LONP2: variants seen among roughly 807,000 people sequenced by gnomAD.
The protein encoded by LONP2 is lon protease homolog 2, peroxisomal.
Under a neutral mutation model 85.6 loss-of-function variants are expected in LONP2, and 60 were observed. The ratio of observed to expected loss-of-function variants is 0.70; its 90% CI spans 0.57 to 0.87. The LOEUF (loss-of-function observed/expected upper bound fraction) is 0.87. LONP2 is among the 40% of genes least tolerant of loss of function. The pLI is 0.00. For missense variants in LONP2, 860 were observed against 1,063.5 expected (o/e 0.81, Z 2.66); for synonymous variants, 395 against 389.7 (o/e 1.01, Z -0.16).
intron 9 of LONP2, among the ~76,000 whole-genome samples, chr16:48,298,398 C>T (rs1972720299): frequency 6.6e-6 from 1 of 151,770 alleles, no homozygotes; most frequent in Admixed American, 6.6e-5. Context: ...TCTAAATATA[C>T]TATATATAGA....
chr16:48,259,278 C>A (rs1468651955), intron 4 of LONP2, among the ~76,000 whole-genome samples: 2 of 152,012 alleles, frequency 1.3e-5, no homozygotes, highest in Non-Finnish European at 2.9e-5. Context: ...GTATTTAATT[C>A]TTTAACCCAT....
downstream of LONP2, among the ~76,000 whole-genome samples, chr16:48,359,331 T>C (rs1053387667): frequency 2.0e-5 from 3 of 152,194 alleles, no homozygotes; most frequent in Non-Finnish European, 4.4e-5. Flanking sequence ...CCATACAACA[T>C]TAAATATGGA....
At chr16:48,258,864 C>T in intron 4 of LONP2, 124 bp downstream of exon 4, 1 of 872,460 alleles carries the variant, frequency 1.1e-6, no homozygotes. Flanking sequence ...AGGTGTTTCC[C>T]TCTCATCCTT....
intron 11 of LONP2, among the ~76,000 whole-genome samples, chr16:48,312,736 T>C (rs1270070568): frequency 6.6e-6 from 1 of 152,156 alleles, no homozygotes; most frequent in Non-Finnish European, 1.5e-5. Flanking sequence ...TATCAATAGA[T>C]GTTGTAATGG....
At chr16:48,270,410 T>G in intron 7 of LONP2, 136 bp downstream of exon 7, 1 of 961,840 alleles carries the variant, frequency 1.0e-6, no homozygotes, top group Non-Finnish European at 1.5e-6. Context: ...AAAGGACATT[T>G]ACAAGAAGTA....
At chr16:48,305,928 A>T (rs1314048954) in intron 11 of LONP2, among the ~76,000 whole-genome samples, 2 of 152,194 alleles carry the variant, frequency 1.3e-5, no homozygotes, top group African/African-American at 4.8e-5. Flanking sequence ...TCAGACTACC[A>T]TTTATAGAAA....
chr16:48,249,934 G>A (rs112438226), intron 1 of LONP2, among the ~76,000 whole-genome samples: 1,865 of 152,262 alleles, frequency 0.012, 40 homozygotes, highest in African/African-American at 0.042. Flanking sequence ...GCTCACGCCC[G>A]TAATCCTAGC....
At chr16:48,342,309 G>A (rs896479771) in intron 12 of LONP2, among the ~76,000 whole-genome samples, 2 of 152,176 alleles carry the variant, frequency 1.3e-5, no homozygotes, top group Non-Finnish European at 2.9e-5. Flanking sequence ...ATCCAGAAGC[G>A]AATTCCAGGA....
chr16:48,305,841 G>A (rs1255717705), intron 11 of LONP2, among the ~76,000 whole-genome samples: 1 of 151,970 alleles, frequency 6.6e-6, no homozygotes, highest in Admixed American at 6.6e-5. Context: ...CATTATTTTT[G>A]TTCTTGTGGG....
At chr16:48,328,727 C>A (rs1161635847) in intron 11 of LONP2, among the ~76,000 whole-genome samples, 6 of 150,160 alleles carry the variant, frequency 4.0e-5, no homozygotes, top group Admixed American at 6.6e-5. Context: ...CACCTGTAAT[C>A]CCAGCTACTT....
intron 8 of LONP2, among the ~76,000 whole-genome samples, chr16:48,281,864 C>CTATA (rs1222100369): frequency 6.6e-6 from 1 of 152,130 alleles, no homozygotes; most frequent in Non-Finnish European, 1.5e-5. Flanking sequence ...TTGATTTGAG[C>CTATA]TATACAATTA....
rs1971205637 is a variant in LONP2 at position 48,244,337 on chromosome 16, C to A, written c.-52C>A. 2 of 1,338,252 alleles carry A rather than the reference C, an allele frequency of 1.5e-6. No individual in the cohort carries two copies. The highest frequency in any genetic ancestry group is 1.5e-5 in the African/African-American group (1 of 66,090). 82.9% of individuals were successfully genotyped at this position (1,338,252 alleles called of 1,614,324 possible). ...TGGTGACTGCGGGGCAGGCCGGGGG[C>A]AGCTGTCTGTCTGGCTCTTTTTGAC... is the stretch of plus-strand genomic sequence containing the variant. On this transcript the variant is annotated 5_prime_UTR_variant, in exon 1 of 15. Transcript: ENST00000285737.
intron 12 of LONP2, among the ~76,000 whole-genome samples, chr16:48,341,531 A>AT (rs1297888450): frequency 6.6e-6 from 1 of 152,002 alleles, no homozygotes; most frequent in Non-Finnish European, 1.5e-5. Flanking sequence ...GGGCTAAACC[A>AT]TTCATGAGAA....
rs1462299103 is a variant in LONP2, at chr16:48,258,289, C to T, written c.601-329C>T. Among the ~76,000 whole-genome samples the T allele has an allele frequency of 2.7e-5, 4 of 150,450 alleles. No homozygotes were observed. In the East Asian group the frequency reaches 7.9e-4, roughly 30 times the overall value. ...GTGAACCCAGGAGGGGGAGCTTGCA[C>T]TGAGCCAAGATCTCGCCACTGCACT... On this transcript the variant is annotated intron_variant, in intron 3 of 14. Transcript: ENST00000285737.
At chr16:48,309,289 A>G (rs1360054923) in intron 11 of LONP2, among the ~76,000 whole-genome samples, 1 of 152,210 alleles carries the variant, frequency 6.6e-6, no homozygotes, top group Non-Finnish European at 1.5e-5. Context: ...CAATCCCACT[A>G]CTGGGTATAT....
intron 12 of LONP2, among the ~76,000 whole-genome samples, chr16:48,339,323 G>A (rs1374582200): frequency 2.0e-5 from 3 of 152,218 alleles, no homozygotes; most frequent in Non-Finnish European, 4.4e-5. Flanking sequence ...ATCAAAAGAA[G>A]ATCAAGGTCA....
chr16:48,267,404 A>G (rs1014681809), intron 6 of LONP2, among the ~76,000 whole-genome samples: 1 of 152,010 alleles, frequency 6.6e-6, no homozygotes, highest in South Asian at 2.1e-4. Context: ...GGTTCAAGCA[A>G]TTCTCCTGCC....
At chr16:48,323,465 GC>G (rs1275165297) in intron 11 of LONP2, among the ~76,000 whole-genome samples, 1 of 152,078 alleles carries the variant, frequency 6.6e-6, no homozygotes, top group Non-Finnish European at 1.5e-5. Flanking sequence ...GATTAACCTG[GC>G]CAACATGGCA....
At chr16:48,290,589 GAA>G (rs150972224) in intron 8 of LONP2, among the ~76,000 whole-genome samples, 12,488 of 152,168 alleles carry the variant, frequency 0.082, 546 homozygotes, top group Middle Eastern at 0.11. Flanking sequence ...AGAACTCAGG[GAA>G]ACAATTTACT....
Sources: allele counts gnomAD v4.1 joint callset (sites outside exome capture counted in the v4.1 genomes callset), GRCh38; gene constraint gnomAD v4.1.1; transcripts MANE v1.5; gene names NCBI Gene and HGNC (gene_info 2026-07-23, HGNC 2026-07-21).